Variants in BDP1 observed in about 807,000 individuals in gnomAD.
The protein encoded by BDP1 is transcription factor TFIIIB component B'' homolog.
In BDP1, 169 loss-of-function variants were observed where a neutral mutation model predicts 266.6. The observed-to-expected ratio is 0.63, with a 90% CI of 0.56 to 0.72. BDP1 has a LOEUF of 0.72. BDP1 is among the 30% of genes least tolerant of loss of function. The probability of loss-of-function intolerance (pLI) is 0.00; values close to 1 mark genes in which losing one functional copy is unlikely to be tolerated. For missense variants in BDP1, 3,015 were observed against 3,053.8 expected (o/e 0.99, Z 0.30); for synonymous variants, 1,090 against 1,022.4 (o/e 1.07, Z -1.26).
intron 34 of BDP1, among the ~76,000 whole-genome samples, chr5:71,550,553 T>G (rs1742672493): frequency 6.6e-6 from 1 of 151,736 alleles, no homozygotes; most frequent in African/African-American, 2.4e-5. Flanking sequence ...CCTCCCACCT[T>G]GGCCTCCCAA....
At chr5:71,577,717 C>G in the BDP1 span, among the ~76,000 whole-genome samples, 14 of 152,066 alleles carry the variant, frequency 9.2e-5, 1 homozygote, top group African/African-American at 3.4e-4. Flanking sequence ...GGACTGAATT[C>G]CAGCAAGGCC....
intron 9 of BDP1, among the ~76,000 whole-genome samples, chr5:71,487,808 A>T (rs1217494544): frequency 6.6e-6 from 1 of 152,246 alleles, no homozygotes; most frequent in Non-Finnish European, 1.5e-5. Context: ...CAGCTAAGGC[A>T]CAGTGAGCCA....
intron 34 of BDP1, among the ~76,000 whole-genome samples, chr5:71,551,979 G>C (rs1388523940): frequency 6.7e-6 from 1 of 150,278 alleles, no homozygotes. Flanking sequence ...CTCCCGGACG[G>C]GGCGGCTGGC....
At chr5:71,545,278 A>AG in intron 32 of BDP1, 59 bp downstream of exon 32, 2 of 1,448,544 alleles carry the variant, frequency 1.4e-6, no homozygotes, top group African/African-American at 1.4e-5. Flanking sequence ...TTTAAAAAAA[A>AG]AAAGGTATAA....
In BDP1 at chr5:71,562,356, A is replaced by G. The variant is rs746332041; in HGVS notation, c.7579A>G (p.Ser2527Gly). The G allele has an allele frequency of 1.9e-6, 3 of 1,613,666 alleles. No homozygotes were observed. In the African/African-American group the frequency reaches 4.0e-5, roughly 22 times the overall value. ...GTCTGATGAACCTATGCAAGTCCAT[A>G]GTAAGAAACGCCTAAAACCTCTTAT... ...LESDEPMQVH[S>G]KKRLKPLIPG... The change falls in exon 38 of 39, where the codon AGT becomes GGT. Residue 2527 changes from serine (S) to glycine (G), a missense_variant. Ser to Gly is a moderately conservative substitution (Grantham distance 56). This residue lies in a region of BDP1 where 629 missense variants were observed against 632.5 expected (regional missense o/e 0.99). Coordinates refer to ENST00000358731, the MANE Select transcript of BDP1 (RefSeq NM_018429.3).
chr5:71,514,417 CT>C lies in BDP1; in HGVS notation c.4471-524del, dbSNP rs529642741. On this transcript the variant is annotated intron_variant, in intron 19 of 38. Coordinates refer to ENST00000358731, the MANE Select transcript of BDP1 (RefSeq NM_018429.3). ...GAGAGTCTTTTATAATGTCACGTCC[CT>C]TTCCCCCAAGTTAATCATACAGCAA... is the stretch of plus-strand genomic sequence containing the variant. 2.1e-4 allele frequency among the ~76,000 whole-genome samples: 32 copies of C among 152,244 alleles called. No homozygotes were observed. In the South Asian group the frequency reaches 3.5e-3, roughly 17 times the overall value.
Position 71,562,470 on chromosome 5 carries a change from C to T in BDP1, c.7693C>T (p.Pro2565Ser). The T allele has an allele frequency of 6.2e-7, 1 of 1,613,982 alleles. No individual in the cohort carries two copies. Among genetic ancestry groups the T allele is most frequent in the Non-Finnish European group, 8.5e-7 (1 of 1,179,904 alleles). ...NRESSDLLPS[P>S]SVITTQSENI... ...AGAGTCCTCTGATCTGCTTCCATCTCCAAGTGTTATTACTACTCAATCTGA... is the reference window on the plus strand; with the variant it reads ...AGAGTCCTCTGATCTGCTTCCATCTTCAAGTGTTATTACTACTCAATCTGA... Residue 2565 changes from proline to serine, a missense_variant, in exon 38 of 39, where the codon CCA (proline) becomes TCA (serine). Around this residue, in one of 3 missense-constraint regions of BDP1, gnomAD observed 629 missense variants for 632.5 expected, o/e 0.99. Coordinates refer to ENST00000358731, the MANE Select transcript of BDP1 (RefSeq NM_018429.3).
chr5:71,461,820 C>T lies in BDP1; in HGVS notation c.493C>T (p.Gln165Ter). 1.3e-6 allele frequency: 2 copies of T among 1,577,186 alleles called. No individual in the cohort carries two copies. Among genetic ancestry groups the T allele is most frequent in the Non-Finnish European group, 1.7e-6 (2 of 1,153,850 alleles). Residue 165 changes from glutamine (Q) to a stop codon, truncating the protein, a stop_gained, in exon 3 of 39, where the codon CAA becomes TAA. Coordinates refer to ENST00000358731, the MANE Select transcript of BDP1 (RefSeq NM_018429.3). LOFTEE classifies it high-confidence loss of function. ...LKEELRKEKK[Q>*]WKNKYAINES... ...ATCTGTGTGTTTATGTATACAGAAA[C>T]AATGGAAAAACAAATATGCTATAAA...
chr5:71,561,718 G>A (rs1743665567), intron 37 of BDP1, among the ~76,000 whole-genome samples: 2 of 152,220 alleles, frequency 1.3e-5, no homozygotes, highest in South Asian at 2.1e-4. Flanking sequence ...TACTCAGAGT[G>A]TAGTCCTGAC....
intron 16 of BDP1, among the ~76,000 whole-genome samples, chr5:71,508,736 A>G (rs1378473517): frequency 6.6e-6 from 1 of 152,160 alleles, no homozygotes; most frequent in African/African-American, 2.4e-5. Flanking sequence ...TCATTCATTT[A>G]TATGTTTATT....
intron 20 of BDP1, among the ~76,000 whole-genome samples, chr5:71,515,522 T>C (rs1765171004): frequency 6.6e-6 from 1 of 152,116 alleles, no homozygotes; most frequent in African/African-American, 2.4e-5. Context: ...TATTTCCAAA[T>C]CTAAAAAAAT....
Position 71,562,289 on chromosome 5 carries a change from C to T in BDP1, c.7512C>T (p.Pro2504=), listed in dbSNP as rs989010394. 6.2e-7 allele frequency: 1 copy of T among 1,606,310 alleles called. No homozygotes were observed. The highest frequency in any genetic ancestry group is 8.5e-7 in the Non-Finnish European group (1 of 1,177,724). The change falls in exon 38 of 39, where the codon CCC becomes CCT. Residue 2504 remains proline (P), a synonymous_variant. Coordinates refer to ENST00000358731, the MANE Select transcript of BDP1 (RefSeq NM_018429.3). The part of the protein sequence containing the change: ...KASLSRPGRR[P]LGFLSLICSK... ...GTATTTCTAGACCTGGCAGAAGACC[C>T]CTGGGATTTTTATCTTTAATATGCT...
chr5:71,498,850 A>G (rs1022472302), intron 13 of BDP1, among the ~76,000 whole-genome samples: 3 of 151,798 alleles, frequency 2.0e-5, no homozygotes, highest in African/African-American at 7.3e-5. Flanking sequence ...CAGCCTCCTA[A>G]GTAGCTGGGA....
intron 7 of BDP1, among the ~76,000 whole-genome samples, chr5:71,470,754 A>AT (rs557338816): frequency 1.3e-3 from 200 of 151,772 alleles, no homozygotes; most frequent in Non-Finnish European, 2.4e-3. Flanking sequence ...CGCCCGGCTG[A>AT]TTTTTTTACT....
At chr5:71,555,467 TTCTC>T (rs34438306) in intron 35 of BDP1, among the ~76,000 whole-genome samples, 44,325 of 149,472 alleles carry the variant, frequency 0.3, 7,653 homozygotes, top group East Asian at 0.5. Flanking sequence ...GAGATGGAGT[TTCTC>T]TCCTATTGCC....
rs1744066677 is a variant in BDP1, at chr5:71,566,912, GAAGAGA to G, written c.*2029_*2034del. The G allele has an allele frequency of 6.6e-6, 1 of 152,160 alleles. No homozygotes were observed. The highest frequency in any genetic ancestry group is 6.5e-5 in the Admixed American group (1 of 15,268). The allele number at this position is 152,160 out of a possible 1,614,324, so 9.4% of individuals were successfully genotyped here. A position where few individuals can be genotyped will look rare whatever the true frequency, so the allele number is the denominator to read the frequency against. On this transcript the variant is annotated 3_prime_UTR_variant, in exon 39 of 39. Coordinates refer to ENST00000358731, the MANE Select transcript of BDP1 (RefSeq NM_018429.3). ...TGGCCAGTTTTTAAGTTCCTTAATAGAAGAGAATTATGTCTCAGCACATATAACAGT... is the reference window on the plus strand; with the variant it reads ...TGGCCAGTTTTTAAGTTCCTTAATAGATTATGTCTCAGCACATATAACAGT...
At chr5:71,527,531 A>G (rs1294791213) in intron 25 of BDP1, among the ~76,000 whole-genome samples, 2 of 152,052 alleles carry the variant, frequency 1.3e-5, no homozygotes, top group Non-Finnish European at 1.5e-5. Context: ...TTTTTGTGTG[A>G]CCATTTTATT....
At chr5:71,533,891 C>G (rs1392011820) in intron 26 of BDP1, among the ~76,000 whole-genome samples, 2 of 152,210 alleles carry the variant, frequency 1.3e-5, no homozygotes, top group South Asian at 4.1e-4. Context: ...TGTATATCAT[C>G]TTTGAGAAAT....
intron 28 of BDP1, among the ~76,000 whole-genome samples, chr5:71,540,287 T>C (rs910514380): frequency 6.6e-5 from 10 of 152,118 alleles, no homozygotes; most frequent in Non-Finnish European, 1.5e-4. Context: ...TACTTATTTA[T>C]TTATTTGAGA....
Sources: gnomAD v4.1 joint callset for allele counts (sites outside exome capture counted in the v4.1 genomes callset) on GRCh38, gnomAD v4.1.1 for gene constraint, gnomAD v4.1.1 regional missense constraint, MANE v1.5 for transcripts, NCBI Gene and HGNC (gene_info 2026-07-23, HGNC 2026-07-21) for gene names.